The following RNF7 variants were observed in gnomAD, a reference collection of about 807,000 sequenced individuals.
RNF7 encodes ring finger protein 7.
In RNF7, 9 loss-of-function variants were observed where a neutral mutation model predicts 17.0. The ratio of observed to expected loss-of-function variants is 0.53; its 90% CI spans 0.32 to 0.92. The LOEUF (loss-of-function observed/expected upper bound fraction) is 0.92, where lower values mean the gene tolerates loss of function less well. Among genes scored for constraint, RNF7 ranks in the 40% least tolerant of loss-of-function variants. The pLI is 0.04. For missense variants in RNF7, 87 were observed against 145.8 expected (o/e 0.60, Z 2.08); for synonymous variants, 59 against 50.5 (o/e 1.17, Z -0.72).
intron 1 of RNF7, among the ~76,000 whole-genome samples, chr3:141,739,115 G>C (rs996394849): frequency 1.3e-5 from 2 of 152,244 alleles, no homozygotes; most frequent in Admixed American, 1.3e-4. Context: ...AATCTGGATT[G>C]ATTTAAGACG....
At chr3:141,741,968 T>A (rs1240082660) in intron 1 of RNF7, among the ~76,000 whole-genome samples, 3 of 152,020 alleles carry the variant, frequency 2.0e-5, no homozygotes, top group Admixed American at 2.0e-4. Flanking sequence ...CTCAGACTTA[T>A]CTGTATTTTC....
At chr3:141,740,222 T>C (rs1198362827) in intron 1 of RNF7, among the ~76,000 whole-genome samples, 1 of 151,822 alleles carries the variant, frequency 6.6e-6, no homozygotes, top group Non-Finnish European at 1.5e-5. Flanking sequence ...CCTAAATAAA[T>C]TTCCTTTAGT....
At chr3:141,742,843 A>G (rs980005739) in intron 1 of RNF7, 15 of 1,166,646 alleles carry the variant, frequency 1.3e-5, no homozygotes, top group Non-Finnish European at 1.6e-5. Context: ...GGAACTCTCA[A>G]GTGTCTTAGG....
At position 141,746,117 on chromosome 3, in the gene RNF7, C is replaced by G. The variant is rs2084470119; in HGVS notation, c.*840C>G. ...TCAGCCTCCCGAGTAGCTGGGATTACAGGTGTGTGCCACCACACCCGGCTA... is the reference window on the plus strand; with the variant it reads ...TCAGCCTCCCGAGTAGCTGGGATTAGAGGTGTGTGCCACCACACCCGGCTA... On this transcript the variant is annotated 3_prime_UTR_variant, in exon 3 of 3. Transcript: ENST00000273480. 1 of 152,066 alleles carries G rather than the reference C, an allele frequency of 6.6e-6. No homozygotes were observed. Among genetic ancestry groups the G allele is most frequent in the African/African-American group, 2.4e-5 (1 of 41,364 alleles). The allele number at this position is 152,066 out of a possible 1,614,324, so 9.4% of individuals were successfully genotyped here.
rs751338696 is a variant in RNF7 at position 141,745,256 on chromosome 3, G to C, written c.321G>C (p.Val107=). The C allele has an allele frequency of 2.5e-6, 4 of 1,611,646 alleles. No homozygotes were observed. The East Asian group carries it at 8.9e-5, about 36-fold the overall frequency. ...NRCPLCQQDW[V]VQRIGK is the part of the protein sequence containing the mutation. The stretch of plus-strand genomic sequence containing the variant: ...GCCCTCTCTGCCAGCAGGACTGGGT[G>C]GTCCAAAGAATCGGCAAATGAGAGT... The change falls in exon 3 of 3, where the codon GTG becomes GTC. Residue 107 remains valine (V), a synonymous_variant. Coordinates refer to ENST00000273480, the MANE Select transcript of RNF7 (RefSeq NM_014245.5).
In RNF7 at chr3:141,746,367, A is replaced by G. The variant is rs768266847; in HGVS notation, c.*1090A>G. 2.6e-5 allele frequency: 4 copies of G among 152,204 alleles called. No individual in the cohort carries two copies. The highest frequency in any genetic ancestry group is 5.9e-5 in the Non-Finnish European group (4 of 68,030). The allele number at this position is 152,204 out of a possible 1,614,324, so 9.4% of individuals were successfully genotyped here. ...CATTGGATCAAAAAGTTTATCACACAGTGTTTTAATAAATGGTTTATTCTG... is the reference window on the plus strand; with the variant it reads ...CATTGGATCAAAAAGTTTATCACACGGTGTTTTAATAAATGGTTTATTCTG... On this transcript the variant is annotated 3_prime_UTR_variant, in exon 3 of 3. Coordinates refer to ENST00000273480, the MANE Select transcript of RNF7 (RefSeq NM_014245.5).
At position 141,743,507 on chromosome 3, in the gene RNF7, A is replaced by T. The variant is rs757039175; in HGVS notation, c.176-2A>T. ...TGAGAATCGCTATTTGTTTACTTTT[A>T]GATGCCTGTCTTAGATGTCAAGCTG... On this transcript the variant is annotated splice_acceptor_variant, in intron 1 of 2. Transcript: ENST00000273480. LOFTEE classifies it high-confidence loss of function. The T allele has an allele frequency of 6.2e-7, 1 of 1,608,620 alleles. No homozygotes were observed. The highest frequency in any genetic ancestry group is 1.1e-5 in the South Asian group (1 of 90,268).
intron 1 of RNF7, among the ~76,000 whole-genome samples, chr3:141,739,611 C>G (rs1052440808): frequency 1.3e-5 from 2 of 152,180 alleles, no homozygotes; most frequent in African/African-American, 4.8e-5. Context: ...GGAGAACATA[C>G]AGAGAATTGC....
At position 141,746,738 on chromosome 3, in the gene RNF7, G is replaced by A. The variant is rs2084477879; in HGVS notation, c.*1461G>A. ...TTCTGAATTTTTCAATCTAAGGGAT[G>A]TGGATACATAGAATGTTTAAAAAGA... On this transcript the variant is annotated 3_prime_UTR_variant, in exon 3 of 3. Coordinates refer to ENST00000273480, the MANE Select transcript of RNF7 (RefSeq NM_014245.5). The A allele has an allele frequency of 6.6e-6, 1 of 152,110 alleles. No homozygotes were observed. The highest frequency in any genetic ancestry group is 1.5e-5 in the Non-Finnish European group (1 of 67,990). The allele number at this position is 152,110 out of a possible 1,614,324, so 9.4% of individuals were successfully genotyped here. A position where few individuals can be genotyped will look rare whatever the true frequency, so the allele number is the denominator to read the frequency against.
At chr3:141,738,986 A>G (rs565233823) in intron 1 of RNF7, among the ~76,000 whole-genome samples, 1 of 152,338 alleles carries the variant, frequency 6.6e-6, no homozygotes, top group African/African-American at 2.4e-5. Context: ...CACCAAAGTG[A>G]TGCTCCAGAG....
At chr3:141,744,618 A>T (rs77971862) in intron 2 of RNF7, among the ~76,000 whole-genome samples, 2 of 152,220 alleles carry the variant, frequency 1.3e-5, no homozygotes, top group African/African-American at 4.8e-5. Flanking sequence ...TCATCGTCAC[A>T]TGAGGAATTG....
At chr3:141,742,408 A>G (rs191390378) in intron 1 of RNF7, among the ~76,000 whole-genome samples, 5,918 of 151,562 alleles carry the variant, frequency 0.039, 168 homozygotes, top group Middle Eastern at 0.068. Context: ...TTGTATTTTT[A>G]GTAGAGACGG....
At chr3:141,743,417 C>A in intron 1 of RNF7, 92 bp from the exon 2 acceptor site, 1 of 935,122 alleles carries the variant, frequency 1.1e-6, no homozygotes, top group Non-Finnish European at 1.7e-6. Flanking sequence ...ATTGCCATCC[C>A]TAACCCTTAG....
rs528292741 is a variant in RNF7 at position 141,746,507 on chromosome 3, T to A, written c.*1230T>A. 1.3e-5 allele frequency: 2 copies of A among 152,354 alleles called. No homozygotes were observed. The highest frequency in any genetic ancestry group is 2.9e-5 in the Non-Finnish European group (2 of 68,022). The allele number at this position is 152,354 out of a possible 1,614,324, so 9.4% of individuals were successfully genotyped here. On this transcript the variant is annotated 3_prime_UTR_variant, in exon 3 of 3. Transcript: ENST00000273480. ...CATTTGCTCTTTCATTTGACAATAA[T>A]AAAATTTAAGGTTTATTACCTGGAA...
chr3:141,744,644 A>G (rs977798578), intron 2 of RNF7, among the ~76,000 whole-genome samples: 2 of 152,228 alleles, frequency 1.3e-5, no homozygotes, highest in Admixed American at 1.3e-4. Context: ...CTTATGGGTG[A>G]CTTAACACAA....
chr3:141,741,541 A>G (rs1269224191), intron 1 of RNF7, among the ~76,000 whole-genome samples: 2 of 152,186 alleles, frequency 1.3e-5, no homozygotes, highest in African/African-American at 4.8e-5. Context: ...ATTTTTACAG[A>G]ATTATTTTTC....
In RNF7 at chr3:141,747,495, A is replaced by G. The variant is rs963555656; in HGVS notation, c.*2218A>G. On this transcript the variant is annotated 3_prime_UTR_variant, in exon 3 of 3. Transcript: ENST00000273480. ...TCAGTCCCATTGCTTCCTTTTTTAT[A>G]AAAATACTGTGTCCCCCTTTACTGT... The G allele has an allele frequency of 6.6e-6, 1 of 152,220 alleles. No homozygotes were observed. The highest frequency in any genetic ancestry group is 1.5e-5 in the Non-Finnish European group (1 of 68,030). The allele number at this position is 152,220 out of a possible 1,614,324, so 9.4% of individuals were successfully genotyped here. A position where few individuals can be genotyped will look rare whatever the true frequency, so the allele number is the denominator to read the frequency against.
intron 1 of RNF7, 99 bp from the exon 2 acceptor site, chr3:141,743,410 G>A: frequency 1.2e-6 from 1 of 816,510 alleles, no homozygotes; most frequent in South Asian, 1.6e-5. Flanking sequence ...AGTCTTTATT[G>A]CCATCCCTAA....
intron 1 of RNF7, among the ~76,000 whole-genome samples, chr3:141,739,449 G>C (rs1320852997): frequency 6.6e-6 from 1 of 152,138 alleles, no homozygotes; most frequent in Non-Finnish European, 1.5e-5. Flanking sequence ...TTGAAAAGCA[G>C]GTGCTATTTA....
Sources: gnomAD v4.1 joint callset for allele counts (sites outside exome capture counted in the v4.1 genomes callset) on GRCh38, gnomAD v4.1.1 for gene constraint, MANE v1.5 for transcripts, NCBI Gene and HGNC (gene_info 2026-07-23, HGNC 2026-07-21) for gene names.